The following EPHX4 variants were observed in gnomAD, a reference collection of about 807,000 sequenced individuals.
EPHX4 encodes the protein epoxide hydrolase 4, also known as abhydrolase domain containing 7.
EPHX4 carries 31 observed loss-of-function variants against 44.9 expected under a neutral mutation model. The observed-to-expected ratio is 0.69, with a 90% CI of 0.52 to 0.93. EPHX4 has a LOEUF of 0.93. Among genes scored for constraint, EPHX4 ranks in the 40% least tolerant of loss-of-function variants. The probability of loss-of-function intolerance (pLI) is 0.00; values close to 1 mark genes in which losing one functional copy is unlikely to be tolerated. For synonymous variants in EPHX4, 151 were observed against 159.7 expected (o/e 0.95, Z 0.41); for missense variants, 373 against 438.1 (o/e 0.85, Z 1.33).
chr1:92,044,585 C>T (rs10875153), intron 3 of EPHX4, among the ~76,000 whole-genome samples: 76,970 of 151,926 alleles, frequency 0.51, 19,951 homozygotes, highest in African/African-American at 0.63. Flanking sequence ...TTAAATTAAC[C>T]GAGTGATTAC....
At chr1:92,046,550 A>T (rs540234043) in intron 4 of EPHX4, among the ~76,000 whole-genome samples, 1 of 151,822 alleles carries the variant, frequency 6.6e-6, no homozygotes, top group African/African-American at 2.4e-5. Context: ...TGCAACCTCC[A>T]CCTCCTGGGT....
rs370488531 is a variant in EPHX4, at chr1:92,039,217, GA to G, written c.318-3603del. On this transcript the variant is annotated intron_variant, in intron 2 of 6. Transcript: ENST00000370383. ...CATGTTATGGGTAATAGGGAGTCAA[GA>G]AAGGATTTTCAGCAACGAAATGACA... 1.3e-3 allele frequency among the ~76,000 whole-genome samples: 195 copies of G among 152,260 alleles called. 2 individuals carry two copies. The highest frequency in any genetic ancestry group is 4.1e-3 in the African/African-American group (171 of 41,552).
At chr1:92,040,367 G>A (rs1195307646) in intron 2 of EPHX4, among the ~76,000 whole-genome samples, 2 of 147,546 alleles carry the variant, frequency 1.4e-5, no homozygotes, top group African/African-American at 5.0e-5. Context: ...TTTTTGAGAT[G>A]GAGTTTTGCT....
At chr1:92,035,988 G>A (rs1363870734) in intron 2 of EPHX4, among the ~76,000 whole-genome samples, 1 of 152,144 alleles carries the variant, frequency 6.6e-6, no homozygotes, top group Non-Finnish European at 1.5e-5. Flanking sequence ...AACATGCATG[G>A]ATTTTTACCT....
rs192046210 is a variant in EPHX4, at chr1:92,036,316, G to A, written c.317+3726G>A. ...AGATGCTCTCTGTCGTATTCTAAGA[G>A]ATTTTGTGCGTGTTTTTCACAGTCA... On this transcript the variant is annotated intron_variant, in intron 2 of 6. Transcript: ENST00000370383. 2.0e-5 allele frequency among the ~76,000 whole-genome samples: 3 copies of A among 152,236 alleles called. No individual in the cohort carries two copies. The East Asian group carries it at 5.8e-4, about 29-fold the overall frequency.
At chr1:92,059,150 C>T (rs1205089140) in intron 6 of EPHX4, among the ~76,000 whole-genome samples, 1 of 152,062 alleles carries the variant, frequency 6.6e-6, no homozygotes, top group Non-Finnish European at 1.5e-5. Context: ...AAGATAAACT[C>T]GAGGGCCAGG....
chr1:92,039,723 G>A lies in EPHX4; in HGVS notation c.318-3100G>A, dbSNP rs141903982. ...GGCTGGAGTGCGGTGACTCGATCTC[G>A]GCTCACTGCAACCTCCATCTCCCGG... On this transcript the variant is annotated intron_variant, in intron 2 of 6. Coordinates refer to ENST00000370383, the MANE Select transcript of EPHX4 (RefSeq NM_173567.5). Among the ~76,000 whole-genome samples, 12 of 151,714 alleles carry A rather than the reference G, an allele frequency of 7.9e-5. No homozygotes were observed. The East Asian group carries it at 2.0e-3, about 25-fold the overall frequency.
chr1:92,053,985 A>G (rs1251353165), intron 6 of EPHX4, among the ~76,000 whole-genome samples: 1 of 152,100 alleles, frequency 6.6e-6, no homozygotes, highest in East Asian at 1.9e-4. Flanking sequence ...TCTGGGGAGA[A>G]AGTATAGAGT....
At chr1:92,060,885 CT>C (rs574421107) in intron 6 of EPHX4, among the ~76,000 whole-genome samples, 15,496 of 144,168 alleles carry the variant, frequency 0.11, 1,372 homozygotes, top group African/African-American at 0.26. Context: ...AGTTTGTATT[CT>C]TTTTTTTTTT....
At chr1:92,031,372 C>T (rs1688357822) in intron 1 of EPHX4, among the ~76,000 whole-genome samples, 1 of 152,124 alleles carries the variant, frequency 6.6e-6, no homozygotes. Context: ...AGGGTAAAGT[C>T]AGATTTGTTA....
intron 4 of EPHX4, among the ~76,000 whole-genome samples, chr1:92,049,327 G>A (rs1647205811): frequency 6.6e-6 from 1 of 152,066 alleles, no homozygotes; most frequent in African/African-American, 2.4e-5. Flanking sequence ...ATCCCAGAGA[G>A]GCCTTCTTGA....
chr1:92,062,314 G>A (rs1456102205), intron 6 of EPHX4, among the ~76,000 whole-genome samples: 6 of 151,590 alleles, frequency 4.0e-5, no homozygotes, highest in South Asian at 2.1e-4. Flanking sequence ...GGCTGGGTGC[G>A]GTGGCTCACG....
intron 2 of EPHX4, among the ~76,000 whole-genome samples, chr1:92,035,676 G>C (rs1026693668): frequency 2.0e-5 from 3 of 152,068 alleles, no homozygotes; most frequent in Non-Finnish European, 4.4e-5. Flanking sequence ...CATGGTAAAC[G>C]TGTGCCATGG....
chr1:92,050,696 G>A (rs1236756285), intron 5 of EPHX4, among the ~76,000 whole-genome samples: 2 of 151,472 alleles, frequency 1.3e-5, no homozygotes, highest in Admixed American at 1.3e-4. Flanking sequence ...CAAATATCAG[G>A]TTTAATAGCA....
At chr1:92,050,483 G>A (rs1570694924) in intron 5 of EPHX4, 63 bp downstream of exon 5, 1 of 916,028 alleles carries the variant, frequency 1.1e-6, no homozygotes, top group East Asian at 3.0e-5. Context: ...ATATTTTAAA[G>A]TCCACGTTTA....
chr1:92,036,198 C>T (rs182685630), intron 2 of EPHX4, among the ~76,000 whole-genome samples: 462 of 152,300 alleles, frequency 3.0e-3, no homozygotes, highest in Non-Finnish European at 4.9e-3. Context: ...AGTACTTGGC[C>T]ATCCTTATTC....
rs555713388 is a variant in EPHX4, at chr1:92,033,754, C to T, written c.317+1164C>T. Among the ~76,000 whole-genome samples the T allele has an allele frequency of 5.0e-3, 761 of 152,194 alleles. 3 individuals are homozygous for T. Among genetic ancestry groups the T allele is most frequent in the Non-Finnish European group, 8.9e-3 (605 of 68,022 alleles). ...ATAAAGAATAGAAATTTATTTCTCA[C>T]CGTTCTGGAGACTGGGAAATCCAAG... On this transcript the variant is annotated intron_variant, in intron 2 of 6. Coordinates refer to ENST00000370383, the MANE Select transcript of EPHX4 (RefSeq NM_173567.5).
intron 2 of EPHX4, among the ~76,000 whole-genome samples, chr1:92,035,457 T>C (rs1490465967): frequency 3.3e-5 from 5 of 152,208 alleles, no homozygotes; most frequent in African/African-American, 1.2e-4. Flanking sequence ...CGAAAATCTT[T>C]CACGTGGCCC....
chr1:92,040,342 A>ATT (rs11316919), intron 2 of EPHX4, among the ~76,000 whole-genome samples: 1 of 121,068 alleles, frequency 8.3e-6, no homozygotes, highest in Non-Finnish European at 1.7e-5. Flanking sequence ...TACTTAGCAA[A>ATT]TTTTTTTTTT....
Sources: gnomAD v4.1 joint callset for allele counts (sites outside exome capture counted in the v4.1 genomes callset) on GRCh38, gnomAD v4.1.1 for gene constraint, MANE v1.5 for transcripts, NCBI Gene and HGNC (gene_info 2026-07-23, HGNC 2026-07-21) for gene names.